The following KMT5B variants were observed in gnomAD, a reference collection of about 807,000 sequenced individuals.
The protein encoded by KMT5B is histone-lysine N-methyltransferase KMT5B.
KMT5B carries 10 observed loss-of-function variants against 83.2 expected under a neutral mutation model. The ratio of observed to expected loss-of-function variants is 0.12; its 90% CI spans 0.07 to 0.20. The LOEUF is 0.20. KMT5B is among the 10% of genes least tolerant of loss of function. The pLI is 1.00. For synonymous variants in KMT5B, 349 were observed against 388.8 expected (o/e 0.90, Z 1.20); for missense variants, 753 against 1,067.2 (o/e 0.71, Z 4.10).
At position 68,194,655 on chromosome 11, in the gene KMT5B, C is replaced by T. The variant is rs573473605; in HGVS notation, c.-76-4503G>A. ...GTAAAAGCTTAAAGGGACTAAAATC[C>T]GTGACTACATTCCATTTTATATCCC... On this transcript the variant is annotated intron_variant, in intron 1 of 10. Transcript: ENST00000304363. Among the ~76,000 whole-genome samples the T allele has an allele frequency of 1.7e-3, 255 of 152,280 alleles. 1 individual carries two copies. Among genetic ancestry groups the T allele is most frequent in the Admixed American group, 3.3e-3 (51 of 15,288 alleles).
intron 9 of KMT5B, among the ~76,000 whole-genome samples, chr11:68,169,759 T>C (rs1855666305): frequency 6.6e-6 from 1 of 152,252 alleles, no homozygotes; most frequent in South Asian, 2.1e-4. Context: ...TTAACTGTTA[T>C]ACTGTTTCCT....
chr11:68,209,254 G>T (rs1214057372), intron 1 of KMT5B, among the ~76,000 whole-genome samples: 2 of 152,148 alleles, frequency 1.3e-5, no homozygotes, highest in Non-Finnish European at 2.9e-5. Flanking sequence ...AATCCACTCA[G>T]TTCAACAAAC....
intron 6 of KMT5B, among the ~76,000 whole-genome samples, chr11:68,173,229 TG>T (rs1255401647): frequency 1.3e-5 from 2 of 152,118 alleles, no homozygotes; most frequent in Non-Finnish European, 2.9e-5. Context: ...TTAGTAGAGA[TG>T]GGGTTTCACC....
intron 3 of KMT5B, 45 bp downstream of exon 3, chr11:68,185,736 T>C: frequency 6.6e-7 from 1 of 1,517,010 alleles, no homozygotes; most frequent in Non-Finnish European, 8.9e-7. Flanking sequence ...GTTCTTGAAT[T>C]CAACATAATC....
chr11:68,158,816 A>G lies in KMT5B; in HGVS notation c.1530T>C (p.Thr510=), dbSNP rs770633381. 5 of 1,614,038 alleles carry G rather than the reference A, an allele frequency of 3.1e-6. No homozygotes were observed. The African/African-American group carries it at 6.7e-5, about 22-fold the overall frequency. ...GTCTGTGTTCTCTCGCCGCGTGTCT[A>G]GTCAAGCACCCGCTGGCAACTGCGG... ...AQAAVASGCL[T]RHAAREHRQN... Residue 510 remains threonine (T), a synonymous_variant, in exon 11 of 11, where the codon ACT becomes ACC. Transcript: ENST00000304363.
intron 3 of KMT5B, among the ~76,000 whole-genome samples, chr11:68,181,904 C>G (rs11228151): frequency 0.65 from 99,260 of 152,106 alleles, 32,881 homozygotes; most frequent in East Asian, 0.89. Context: ...CCCCTGCACT[C>G]CCACACCGGC....
At chr11:68,184,319 C>G (rs1485822564) in intron 3 of KMT5B, among the ~76,000 whole-genome samples, 1 of 151,892 alleles carries the variant, frequency 6.6e-6, no homozygotes, top group Admixed American at 6.6e-5. Context: ...TTGCAGTGAG[C>G]TGAGATCATG....
At chr11:68,192,918 G>C (rs1858257414) in intron 1 of KMT5B, among the ~76,000 whole-genome samples, 1 of 152,160 alleles carries the variant, frequency 6.6e-6, no homozygotes, top group African/African-American at 2.4e-5. Context: ...TAATGTAAAT[G>C]TATCTCTTAC....
chr11:68,185,333 G>T (rs1262823827), intron 3 of KMT5B, among the ~76,000 whole-genome samples: 1 of 152,082 alleles, frequency 6.6e-6, no homozygotes, highest in Non-Finnish European at 1.5e-5. Context: ...AGCCTCCCAA[G>T]TAGCTGGGAT....
In KMT5B at chr11:68,158,185, G is replaced by A. The variant is rs1327329987; in HGVS notation, c.2161C>T (p.Arg721Cys). The A allele has an allele frequency of 6.2e-7, 1 of 1,614,078 alleles. No individual in the cohort carries two copies. Among genetic ancestry groups the A allele is most frequent in the South Asian group, 1.1e-5 (1 of 91,076 alleles). The change falls in exon 11 of 11, where the codon CGT becomes TGT. Residue 721 changes from arginine to cysteine, a missense_variant. Transcript: ENST00000304363. ...TTGCTGCTGCTATCATGACGCCTACGAAGAGTCAATTTGGGAATCCCAGAG... is the reference window on the plus strand; with the variant it reads ...TTGCTGCTGCTATCATGACGCCTACAAAGAGTCAATTTGGGAATCCCAGAG... ...NNSGIPKLTLRRRHDSSSKTN... is the reference protein window; with the variant it reads ...NNSGIPKLTLCRRHDSSSKTN...
At chr11:68,165,191 A>C (rs933935218) in intron 10 of KMT5B, among the ~76,000 whole-genome samples, 5 of 152,210 alleles carry the variant, frequency 3.3e-5, no homozygotes, top group African/African-American at 7.2e-5. Context: ...CACGAACCTA[A>C]GTGTTTTTGT....
intron 1 of KMT5B, among the ~76,000 whole-genome samples, chr11:68,193,949 G>A (rs1198055142): frequency 6.6e-6 from 1 of 151,642 alleles, no homozygotes; most frequent in African/African-American, 2.4e-5. Flanking sequence ...ACCAGCATGA[G>A]CCACCACACT....
At chr11:68,180,275 C>T in intron 3 of KMT5B, 75 bp from the exon 4 acceptor site, 1 of 1,504,912 alleles carries the variant, frequency 6.6e-7, no homozygotes, top group Non-Finnish European at 9.0e-7. Flanking sequence ...TCTAAACAGA[C>T]TTACAATATT....
intron 1 of KMT5B, among the ~76,000 whole-genome samples, chr11:68,191,520 G>C (rs939117360): frequency 1.3e-5 from 2 of 151,924 alleles, no homozygotes; most frequent in Non-Finnish European, 2.9e-5. Flanking sequence ...TTTTAGTAGA[G>C]ACAGGGTTTT....
chr11:68,167,950 T>A (rs1483741149), intron 9 of KMT5B, among the ~76,000 whole-genome samples: 1 of 152,022 alleles, frequency 6.6e-6, no homozygotes, highest in Non-Finnish European at 1.5e-5. Flanking sequence ...GGTGGGCAGA[T>A]CACGAGGTCA....
rs192093134 is a variant in KMT5B, at chr11:68,188,812, A to G, written c.160+1105T>C. ...ATGAATACACACTGATGTGATCACTATATTTCTCAATTCTTCACGTTCACA... is the reference window on the plus strand; with the variant it reads ...ATGAATACACACTGATGTGATCACTGTATTTCTCAATTCTTCACGTTCACA... On this transcript the variant is annotated intron_variant, in intron 2 of 10. Coordinates refer to ENST00000304363, the MANE Select transcript of KMT5B (RefSeq NM_017635.5). Among the ~76,000 whole-genome samples the G allele has an allele frequency of 1.3e-4, 20 of 152,320 alleles. No individual in the cohort carries two copies. In the East Asian group the frequency reaches 3.3e-3, roughly 25 times the overall value.
At chr11:68,202,519 C>G (rs1037501472) in intron 1 of KMT5B, among the ~76,000 whole-genome samples, 2 of 151,662 alleles carry the variant, frequency 1.3e-5, no homozygotes, top group Non-Finnish European at 2.9e-5. Flanking sequence ...TCTGGTAACA[C>G]CTGCCTTCCC....
intron 3 of KMT5B, among the ~76,000 whole-genome samples, chr11:68,185,059 T>C (rs1857303530): frequency 6.6e-6 from 1 of 152,102 alleles, no homozygotes. Context: ...AAATTCCCCA[T>C]CTATACAGAG....
At chr11:68,189,442 T>C (rs968836128) in intron 2 of KMT5B, among the ~76,000 whole-genome samples, 2 of 152,244 alleles carry the variant, frequency 1.3e-5, no homozygotes, top group African/African-American at 4.8e-5. Flanking sequence ...TAAATTGCTA[T>C]GATTTGTGAG....
Sources: allele counts gnomAD v4.1 joint callset (sites outside exome capture counted in the v4.1 genomes callset), GRCh38; gene constraint gnomAD v4.1.1; transcripts MANE v1.5; gene names NCBI Gene and HGNC (gene_info 2026-07-23, HGNC 2026-07-21).